Variants in TOX observed in about 807,000 individuals in gnomAD.
The protein encoded by TOX is thymocyte selection-associated high mobility group box protein TOX.
In TOX, 11 loss-of-function variants were observed where a neutral mutation model predicts 53.7. The observed-to-expected ratio is 0.20, with a 90% CI of 0.13 to 0.34. The LOEUF (loss-of-function observed/expected upper bound fraction) is 0.34, where lower values mean the gene tolerates loss of function less well. Ranked by LOEUF, TOX falls within the 10% of genes least tolerant of loss-of-function variation. TOX has a pLI of 1.00. For missense variants in TOX, 570 were observed against 664.6 expected (o/e 0.86, Z 1.56); for synonymous variants, 225 against 245.3 (o/e 0.92, Z 0.77).
Position 58,975,737 on chromosome 8 carries a change from G to C in TOX, c.103-15729C>G, listed in dbSNP as rs981534281. ...GTTGATGACTGCTGACTGATCAGGG[G>C]TGGTGGCTGCTGAAGGCTGGGGTAG... On this transcript the variant is annotated intron_variant, in intron 1 of 8. Coordinates refer to ENST00000361421, the MANE Select transcript of TOX (RefSeq NM_014729.3). 2.0e-4 allele frequency among the ~76,000 whole-genome samples: 30 copies of C among 152,216 alleles called. 1 individual carries two copies. The highest frequency in any genetic ancestry group is 7.0e-4 in the African/African-American group (29 of 41,542).
At chr8:59,101,656 T>C (rs1174895059) in intron 1 of TOX, among the ~76,000 whole-genome samples, 1 of 152,150 alleles carries the variant, frequency 6.6e-6, no homozygotes, top group African/African-American at 2.4e-5. Flanking sequence ...ATGCCTAAAC[T>C]GAGTTTTTAG....
intron 3 of TOX, among the ~76,000 whole-genome samples, chr8:58,882,801 G>A (rs1463496043): frequency 2.0e-5 from 3 of 152,184 alleles, no homozygotes; most frequent in African/African-American, 4.8e-5. Flanking sequence ...GGACATATGA[G>A]TGCATTGGGA....
intron 3 of TOX, among the ~76,000 whole-genome samples, chr8:58,923,787 G>A (rs779731979): frequency 2.0e-5 from 3 of 152,118 alleles, no homozygotes; most frequent in Non-Finnish European, 2.9e-5. Context: ...CAGGACCTGG[G>A]TTCCGGGTCC....
chr8:59,005,595 C>T (rs567117099), intron 1 of TOX, among the ~76,000 whole-genome samples: 239 of 152,196 alleles, frequency 1.6e-3, no homozygotes, highest in Middle Eastern at 3.4e-3. Flanking sequence ...AATTTAACAA[C>T]ATAGTTTTCT....
intron 1 of TOX, among the ~76,000 whole-genome samples, chr8:59,039,409 G>A (rs1400539721): frequency 1.3e-5 from 2 of 152,078 alleles, no homozygotes; most frequent in Non-Finnish European, 2.9e-5. Context: ...TCTTTACCAC[G>A]GTTGCTTTGG....
At chr8:58,872,611 T>G (rs1049599904) in intron 3 of TOX, among the ~76,000 whole-genome samples, 3 of 152,106 alleles carry the variant, frequency 2.0e-5, no homozygotes, top group African/African-American at 7.2e-5. Context: ...ACCTCTATCA[T>G]TTTCCCCCCA....
chr8:59,031,362 C>A lies in TOX; in HGVS notation c.103-71354G>T, dbSNP rs188965066. On this transcript the variant is annotated intron_variant, in intron 1 of 8. Transcript: ENST00000361421. ...CATTGCAGGTGCCTATGTTTCACAC[C>A]AACTGGGCATACATCAACCATTTAT... is the stretch of plus-strand genomic sequence containing the variant. Among the ~76,000 whole-genome samples, 824 of 152,264 alleles carry A rather than the reference C, an allele frequency of 5.4e-3. 20 individuals carry two copies. The highest frequency in any genetic ancestry group is 1.5e-3 in the Non-Finnish European group (102 of 68,030).
chr8:58,968,636 C>T (rs2129179405), intron 1 of TOX, among the ~76,000 whole-genome samples: 1 of 152,230 alleles, frequency 6.6e-6, no homozygotes, highest in South Asian at 2.1e-4. Context: ...AAAGTAATTA[C>T]TTTTTGGGGG....
Position 58,815,441 on chromosome 8 carries a change from T to C in TOX, c.1289A>G (p.His430Arg). ...PLQISPPLHQ[H>R]LNMQQHQPLT... is the part of the protein sequence containing the mutation. ...CGGCTGGTGCTGCTGCATGTTGAGA[T>C]GCTGGTGAAGAGGCGGGCTGATCTG... The change falls in exon 7 of 9, where the codon CAT becomes CGT. Residue 430 changes from histidine to arginine, a missense_variant. His to Arg is a conservative substitution (Grantham distance 29). Around this residue, in one of 3 missense-constraint regions of TOX, gnomAD observed 239 missense variants for 250.7 expected, o/e 0.95. Transcript: ENST00000361421. 1 of 1,614,072 alleles carries C rather than the reference T, an allele frequency of 6.2e-7. No homozygotes were observed. The highest frequency in any genetic ancestry group is 8.5e-7 in the Non-Finnish European group (1 of 1,179,992).
intron 7 of TOX, among the ~76,000 whole-genome samples, chr8:58,810,174 AT>A (rs1810053996): frequency 6.6e-6 from 1 of 151,804 alleles, no homozygotes; most frequent in African/African-American, 2.4e-5. Flanking sequence ...TTATTTATTT[AT>A]TTATTTATTG....
chr8:58,847,845 T>C (rs552853896), intron 4 of TOX, among the ~76,000 whole-genome samples: 6 of 152,190 alleles, frequency 3.9e-5, no homozygotes, highest in South Asian at 2.1e-4. Flanking sequence ...TGAAATAATA[T>C]AATATCTTCA....
chr8:58,969,429 A>T (rs113843317), intron 1 of TOX, among the ~76,000 whole-genome samples: 2 of 152,194 alleles, frequency 1.3e-5, no homozygotes, highest in African/African-American at 4.8e-5. Context: ...TCAATCCATC[A>T]TCATATCCGG....
At position 58,848,193 on chromosome 8, in the gene TOX, A is replaced by G. The variant is rs141807091; in HGVS notation, c.693+3331T>C. Among the ~76,000 whole-genome samples, 343 of 152,160 alleles carry G rather than the reference A, an allele frequency of 2.3e-3. 2 individuals are homozygous for G. Among genetic ancestry groups the G allele is most frequent in the African/African-American group, 7.9e-3 (327 of 41,572 alleles). On this transcript the variant is annotated intron_variant, in intron 4 of 8. Transcript: ENST00000361421. ...AGGTAAAGATATTGGTAAATTTTAGACCTCTATATAGCTGTATTCCAGGGA... is the reference window on the plus strand; with the variant it reads ...AGGTAAAGATATTGGTAAATTTTAGGCCTCTATATAGCTGTATTCCAGGGA...
At chr8:58,839,662 A>G (rs190581014) in intron 4 of TOX, among the ~76,000 whole-genome samples, 3 of 152,354 alleles carry the variant, frequency 2.0e-5, no homozygotes, top group East Asian at 1.9e-4. Flanking sequence ...GAAGGATTCA[A>G]TTTCCACATG....
chr8:58,854,897 G>A (rs1002289150), intron 3 of TOX, among the ~76,000 whole-genome samples: 2 of 152,054 alleles, frequency 1.3e-5, no homozygotes, highest in African/African-American at 4.8e-5. Flanking sequence ...AATTAAACTC[G>A]ATAAAGTTTG....
intron 3 of TOX, among the ~76,000 whole-genome samples, chr8:58,882,001 GCAGTAACTTGCCTCATGT>G (rs1477209103): frequency 6.6e-6 from 1 of 152,184 alleles, no homozygotes; most frequent in Non-Finnish European, 1.5e-5. Context: ...AGTTGCCTTT[GCAGTAACTTGCCTCATGT>G]CAGTAACTTC....
At chr8:58,870,986 CA>C (rs1811186668) in intron 3 of TOX, among the ~76,000 whole-genome samples, 1 of 151,956 alleles carries the variant, frequency 6.6e-6, no homozygotes, top group Non-Finnish European at 1.5e-5. Context: ...AACCTGCACA[CA>C]AGTGTTTATA....
intron 1 of TOX, among the ~76,000 whole-genome samples, chr8:58,998,881 ACT>A (rs1489092597): frequency 2.6e-5 from 4 of 152,014 alleles, no homozygotes; most frequent in Admixed American, 1.3e-4. Flanking sequence ...AGTTTCCTAA[ACT>A]CTCTGAATTT....
At chr8:58,941,646 C>T (rs765446097) in intron 2 of TOX, among the ~76,000 whole-genome samples, 2 of 152,122 alleles carry the variant, frequency 1.3e-5, no homozygotes, top group Non-Finnish European at 2.9e-5. Context: ...CAAATTCCAC[C>T]CCGTTGCCCA....
Sources: gnomAD v4.1 joint callset for allele counts (sites outside exome capture counted in the v4.1 genomes callset) on GRCh38, gnomAD v4.1.1 for gene constraint, gnomAD v4.1.1 regional missense constraint, MANE v1.5 for transcripts, NCBI Gene and HGNC (gene_info 2026-07-23, HGNC 2026-07-21) for gene names.